Variants in SNX18 observed in about 807,000 individuals in gnomAD.
The protein encoded by SNX18 is sorting nexin 18.
In SNX18, 35 loss-of-function variants were observed where a neutral mutation model predicts 48.7. That is an observed-to-expected ratio of 0.72 (90% CI 0.55 to 0.95). SNX18 has a LOEUF of 0.95. SNX18 is among the 40% of genes least tolerant of loss of function. SNX18 has a pLI of 0.00. For synonymous variants in SNX18, 492 were observed against 384.7 expected (o/e 1.28, Z -3.26); for missense variants, 824 against 871.0 (o/e 0.95, Z 0.68).
the SNX18 span, among the ~76,000 whole-genome samples, chr5:54,605,918 C>T: frequency 6.6e-5 from 10 of 152,150 alleles, no homozygotes; most frequent in African/African-American, 2.4e-4. Flanking sequence ...CCTGCCTCTG[C>T]CTCCCAAAGC....
the SNX18 span, among the ~76,000 whole-genome samples, chr5:54,580,036 T>G: frequency 1.3e-5 from 2 of 152,058 alleles, no homozygotes; most frequent in East Asian, 3.9e-4. Flanking sequence ...GTCCATACAG[T>G]CTGGCTTAGG....
At chr5:54,519,646 T>C in intron 1 of SNX18, 73 bp downstream of exon 1, 1 of 1,614,196 alleles carries the variant, frequency 6.2e-7, no homozygotes, top group Non-Finnish European at 8.5e-7. Context: ...TTGACAGCAG[T>C]ACCACTGTGG....
intron 1 of SNX18, among the ~76,000 whole-genome samples, chr5:54,536,834 A>G (rs1762365632): frequency 1.3e-5 from 2 of 152,200 alleles, no homozygotes; most frequent in Admixed American, 1.3e-4. Context: ...GAACTAGTTT[A>G]CAGTCCTACC....
chr5:54,640,400 TTA>T, the SNX18 span, among the ~76,000 whole-genome samples: 5 of 75,466 alleles, frequency 6.6e-5, no homozygotes. Flanking sequence ...TTTCTTTTTT[TTA>T]AAAAAAAGAT....
downstream of SNX18, among the ~76,000 whole-genome samples, chr5:54,550,502 A>C (rs2111638732): frequency 6.6e-6 from 1 of 152,352 alleles, no homozygotes; most frequent in African/African-American, 2.4e-5. Context: ...AAGAAAATTA[A>C]ATGAAAAAAA....
chr5:54,645,125 C>T, the SNX18 span: 172 of 152,276 alleles, frequency 1.1e-3, 1 homozygote, highest in African/African-American at 3.9e-3. Flanking sequence ...CTGATATATC[C>T]TGGGAAATAA....
At chr5:54,541,825 T>C (rs769076143) in intron 1 of SNX18, among the ~76,000 whole-genome samples, 6 of 152,220 alleles carry the variant, frequency 3.9e-5, no homozygotes, top group Non-Finnish European at 7.3e-5. Context: ...AGCATACTGC[T>C]TTACGTTTAA....
At chr5:54,600,180 C>A in the SNX18 span, among the ~76,000 whole-genome samples, 55,678 of 151,528 alleles carry the variant, frequency 0.37, 10,302 homozygotes, top group South Asian at 0.56. Context: ...ATGAACAGAC[C>A]CCTCTCAAAA....
the SNX18 span, among the ~76,000 whole-genome samples, chr5:54,584,112 A>G: frequency 1.4e-5 from 2 of 142,584 alleles, no homozygotes; most frequent in African/African-American, 2.6e-5. Flanking sequence ...GTGCAGTGGC[A>G]CAATCTCAGC....
chr5:54,518,776 C>T lies in SNX18; in HGVS notation c.824C>T (p.Pro275Leu), dbSNP rs1454155258. The T allele has an allele frequency of 2.5e-6, 4 of 1,606,304 alleles. No homozygotes were observed. Among genetic ancestry groups the T allele is most frequent in the Non-Finnish European group, 3.4e-6 (4 of 1,175,822 alleles). ...YGPEWQENPY[P>L]FQCTIDDPTK... is the part of the protein sequence containing the mutation. Reference sequence around the variant, plus strand: ...CCCGAGTGGCAGGAGAACCCCTACCCGTTCCAGTGCACCATCGACGACCCC... The same window carrying T: ...CCCGAGTGGCAGGAGAACCCCTACCTGTTCCAGTGCACCATCGACGACCCC... The change falls in exon 1 of 2, where the codon CCG (proline) becomes CTG (leucine). Residue 275 changes from proline (P) to leucine (L), a missense_variant. By Grantham distance (98) the Pro-to-Leu change is moderately conservative. This residue lies in a region of SNX18 where 443 missense variants were observed against 503.6 expected (regional missense o/e 0.88). Coordinates refer to ENST00000381410, the MANE Select transcript of SNX18 (RefSeq NM_001102575.2).
the SNX18 span, among the ~76,000 whole-genome samples, chr5:54,571,945 T>C: frequency 0.073 from 11,091 of 152,286 alleles, 790 homozygotes; most frequent in African/African-American, 0.18. Flanking sequence ...ATCAGTTCTA[T>C]GATCAACCAG....
rs1341190091 is a variant in SNX18, at chr5:54,544,484, G to C, written c.*1052G>C. 6.6e-6 allele frequency: 1 copy of C among 151,962 alleles called. No homozygotes were observed. Among genetic ancestry groups the C allele is most frequent in the Admixed American group, 6.6e-5 (1 of 15,262 alleles). The allele number at this position is 151,962 out of a possible 1,614,324, so 9.4% of individuals were successfully genotyped here. A position where few individuals can be genotyped will look rare whatever the true frequency, so the allele number is the denominator to read the frequency against. On this transcript the variant is annotated 3_prime_UTR_variant, in exon 2 of 2. Transcript: ENST00000381410. ...ACTTGTTTACTTAAAAACTTTTCAG[G>C]GATGTCTGTAAATTTCAGTGTTAAT...
chr5:54,595,360 T>C, the SNX18 span, among the ~76,000 whole-genome samples: 6 of 152,084 alleles, frequency 3.9e-5, no homozygotes, highest in African/African-American at 1.4e-4. Flanking sequence ...CTCAGCCTCC[T>C]GAGCAGCTGG....
downstream of SNX18, among the ~76,000 whole-genome samples, chr5:54,547,089 G>GT (rs1762588427): frequency 6.6e-6 from 1 of 152,286 alleles, no homozygotes; most frequent in Non-Finnish European, 1.5e-5. Context: ...TTACATATAT[G>GT]TTTTTTCTCC....
rs1219552266 is a variant in SNX18, at chr5:54,535,856, G to A, written c.1622-7323G>A. On this transcript the variant is annotated intron_variant, in intron 1 of 1. Transcript: ENST00000381410. The stretch of plus-strand genomic sequence containing the variant: ...AGCTCTGCCTTGCCTTCCCCAGAGG[G>A]CATCTCCAGGACTGGAGTGTGGGAA... Among the ~76,000 whole-genome samples, 4 of 152,172 alleles carry A rather than the reference G, an allele frequency of 2.6e-5. No homozygotes were observed. The East Asian group carries it at 5.8e-4, about 22-fold the overall frequency.
chr5:54,627,689 G>C, the SNX18 span, among the ~76,000 whole-genome samples: 1 of 152,092 alleles, frequency 6.6e-6, no homozygotes, highest in African/African-American at 2.4e-5. Flanking sequence ...ACCAGTGGCA[G>C]GGGTGCAGAT....
At chr5:54,533,488 G>T (rs541023425) in intron 1 of SNX18, among the ~76,000 whole-genome samples, 13 of 152,284 alleles carry the variant, frequency 8.5e-5, no homozygotes, top group African/African-American at 2.9e-4. Context: ...GTGCTTTGAG[G>T]CCGATCTATG....
chr5:54,602,616 G>T, the SNX18 span, among the ~76,000 whole-genome samples: 1 of 152,192 alleles, frequency 6.6e-6, no homozygotes, highest in Non-Finnish European at 1.5e-5. Flanking sequence ...AAGTGTCAGA[G>T]CGGGAGTGAA....
the SNX18 span, chr5:54,645,380 T>C: frequency 6.6e-6 from 1 of 152,354 alleles, no homozygotes; most frequent in African/African-American, 2.4e-5. Context: ...AAGAACCGTT[T>C]GGATGCAATA....
Sources: gnomAD v4.1 joint callset for allele counts (sites outside exome capture counted in the v4.1 genomes callset) on GRCh38, gnomAD v4.1.1 for gene constraint, gnomAD v4.1.1 regional missense constraint, MANE v1.5 for transcripts, NCBI Gene and HGNC (gene_info 2026-07-23, HGNC 2026-07-21) for gene names.